Variants in RBMS3 observed in about 807,000 individuals in gnomAD.
The protein encoded by RBMS3 is RNA binding motif single stranded interacting protein 3.
Under a neutral mutation model 66.8 loss-of-function variants are expected in RBMS3, and 27 were observed. The ratio of observed to expected loss-of-function variants is 0.40; its 90% CI spans 0.30 to 0.56. The LOEUF is 0.56. RBMS3 is among the 20% of genes least tolerant of loss of function. The pLI is 0.40. For synonymous variants in RBMS3, 188 were observed against 183.0 expected, an observed-to-expected ratio of 1.03 and a Z score of -0.22; for missense variants, 513 against 549.5, an observed-to-expected ratio of 0.93 and a Z score of 0.66.
chr3:29,603,700 G>A (rs1020006110), intron 4 of RBMS3, among the ~76,000 whole-genome samples: 8 of 151,938 alleles, frequency 5.3e-5, no homozygotes, highest in African/African-American at 1.9e-4. Flanking sequence ...CCAATAACAA[G>A]TAAGATACAA....
At chr3:29,455,805 A>C (rs995622527) in intron 2 of RBMS3, among the ~76,000 whole-genome samples, 5 of 142,888 alleles carry the variant, frequency 3.5e-5, no homozygotes, top group Admixed American at 2.7e-4. Context: ...CACACGCACA[A>C]AAAAAAAAAA....
chr3:29,611,590 C>G (rs972377814), intron 4 of RBMS3, among the ~76,000 whole-genome samples: 1 of 151,594 alleles, frequency 6.6e-6, no homozygotes, highest in African/African-American at 2.4e-5. Flanking sequence ...TTGAGTGAGT[C>G]AAAGAATCTT....
chr3:29,944,235 TCCA>T lies in RBMS3; in HGVS notation c.1083_1085del (p.His361del). On this transcript the variant is annotated inframe_deletion, in exon 12 of 15. Transcript: ENST00000383767. ...CAATCCCAAGACAGGATTATGATAC[TCCA>T]CCAGCTGTTGTGTCAGGTAGGAAAA... 1 of 1,593,220 alleles carries T rather than the reference TCCA, an allele frequency of 6.3e-7. No individual in the cohort carries two copies. Among genetic ancestry groups the T allele is most frequent in the Non-Finnish European group, 8.6e-7 (1 of 1,161,844 alleles).
chr3:29,323,460 G>A (rs2035126564), intron 1 of RBMS3, among the ~76,000 whole-genome samples: 1 of 151,716 alleles, frequency 6.6e-6, no homozygotes, highest in African/African-American at 2.4e-5. Flanking sequence ...TTGTAACTAG[G>A]GTAACTAGAA....
intron 6 of RBMS3, among the ~76,000 whole-genome samples, chr3:29,825,041 CTTTTT>C: frequency 7.1e-6 from 1 of 140,474 alleles, no homozygotes. Context: ...TATCATCATT[CTTTTT>C]TTTTTTTTTT....
intron 4 of RBMS3, among the ~76,000 whole-genome samples, chr3:29,706,252 T>A (rs1346343547): frequency 1.3e-5 from 2 of 152,208 alleles, no homozygotes; most frequent in Non-Finnish European, 2.9e-5. Context: ...AATTACTTGC[T>A]TTCTATAGAG....
intron 6 of RBMS3, among the ~76,000 whole-genome samples, chr3:29,790,982 G>A (rs1479589365): frequency 6.6e-6 from 1 of 152,170 alleles, no homozygotes; most frequent in Non-Finnish European, 1.5e-5. Context: ...CCTGCCTTGA[G>A]TGTTAAATTT....
chr3:29,990,819 C>T (rs943943826), intron 13 of RBMS3, among the ~76,000 whole-genome samples: 1 of 152,044 alleles, frequency 6.6e-6, no homozygotes, highest in Non-Finnish European at 1.5e-5. Flanking sequence ...TTTAAAAGTT[C>T]CAAGTATAGG....
chr3:29,883,455 G>C (rs751940557), intron 7 of RBMS3, among the ~76,000 whole-genome samples: 3 of 152,064 alleles, frequency 2.0e-5, no homozygotes, highest in Non-Finnish European at 2.9e-5. Context: ...GAAGGAACAA[G>C]GTAGACTGTG....
chr3:29,576,517 C>G lies in RBMS3; in HGVS notation c.308-10597C>G, dbSNP rs558918586. Among the ~76,000 whole-genome samples, 169 of 152,232 alleles carry G rather than the reference C, an allele frequency of 1.1e-3. 1 individual carries two copies. Among genetic ancestry groups the G allele is most frequent in the Middle Eastern group, 0.01 (3 of 294 alleles). On this transcript the variant is annotated intron_variant, in intron 3 of 14. Coordinates refer to ENST00000383767, the MANE Select transcript of RBMS3 (RefSeq NM_001003793.3). ...TATGTTTACAAAAAACCCTTGGCCTCTACAATTTACAGGTGGAAAATCCAG... is the reference window on the plus strand; with the variant it reads ...TATGTTTACAAAAAACCCTTGGCCTGTACAATTTACAGGTGGAAAATCCAG...
chr3:29,890,363 C>G (rs868649809), intron 8 of RBMS3, among the ~76,000 whole-genome samples: 3 of 151,550 alleles, frequency 2.0e-5, no homozygotes, highest in Non-Finnish European at 4.4e-5. Flanking sequence ...GTATATTATT[C>G]CTCATTCGCA....
intron 6 of RBMS3, among the ~76,000 whole-genome samples, chr3:29,793,789 G>A (rs1215123675): frequency 2.6e-5 from 4 of 152,192 alleles, no homozygotes; most frequent in East Asian, 1.9e-4. Flanking sequence ...GTGGAATCCC[G>A]TTTGATATAG....
chr3:29,814,695 C>T (rs1311667465), intron 6 of RBMS3, among the ~76,000 whole-genome samples: 2 of 152,130 alleles, frequency 1.3e-5, no homozygotes, highest in African/African-American at 2.4e-5. Context: ...CAACTTCTTC[C>T]TGGTTTAGTC....
chr3:29,998,836 A>T (rs1431985015), intron 14 of RBMS3, among the ~76,000 whole-genome samples: 1 of 152,184 alleles, frequency 6.6e-6, no homozygotes, highest in Non-Finnish European at 1.5e-5. Context: ...AACCTGGGCA[A>T]TACCATTCAG....
chr3:29,443,709 G>A (rs1675366153), intron 2 of RBMS3, among the ~76,000 whole-genome samples: 2 of 152,130 alleles, frequency 1.3e-5, no homozygotes, highest in African/African-American at 4.8e-5. Flanking sequence ...AGACGAGCAA[G>A]GAGGCTTTTG....
At chr3:29,894,672 A>G (rs2060084474) in intron 8 of RBMS3, among the ~76,000 whole-genome samples, 1 of 151,582 alleles carries the variant, frequency 6.6e-6, no homozygotes, top group African/African-American at 2.4e-5. Flanking sequence ...GGGGGTCACA[A>G]ACATTCAGTC....
intron 14 of RBMS3, chr3:29,991,477 T>A (rs1311175518): frequency 4.7e-6 from 2 of 427,880 alleles, no homozygotes; most frequent in Non-Finnish European, 8.4e-6. Flanking sequence ...GTTGGATGTG[T>A]GATGGAAGTG....
At chr3:29,822,432 A>C (rs2058097857) in intron 6 of RBMS3, among the ~76,000 whole-genome samples, 1 of 152,214 alleles carries the variant, frequency 6.6e-6, no homozygotes, top group African/African-American at 2.4e-5. Flanking sequence ...GCAGACCTAA[A>C]GAAAGTGCAT....
intron 14 of RBMS3, among the ~76,000 whole-genome samples, chr3:29,993,810 CTCTCCTGGG>C (rs1699036275): frequency 1.3e-5 from 2 of 152,212 alleles, no homozygotes; most frequent in African/African-American, 2.4e-5. Flanking sequence ...ACACTGTTGG[CTCTCCTGGG>C]TCTCCAGTCT....
Sources: gnomAD v4.1 joint callset for allele counts (sites outside exome capture counted in the v4.1 genomes callset) on GRCh38, gnomAD v4.1.1 for gene constraint, MANE v1.5 for transcripts, NCBI Gene and HGNC (gene_info 2026-07-23, HGNC 2026-07-21) for gene names.